Variants in KIAA0513 observed in about 807,000 individuals in gnomAD.
KIAA0513 encodes the protein uncharacterized protein KIAA0513.
In KIAA0513, 39 loss-of-function variants were observed where a neutral mutation model predicts 56.5. The ratio of observed to expected loss-of-function variants is 0.69; its 90% CI spans 0.53 to 0.90. The LOEUF is 0.90. KIAA0513 is among the 40% of genes least tolerant of loss of function. KIAA0513 has a pLI of 0.00. For missense variants in KIAA0513, 591 were observed against 535.2 expected, an observed-to-expected ratio of 1.10 and a Z score of -1.03; for synonymous variants, 268 against 215.6, an observed-to-expected ratio of 1.24 and a Z score of -2.13.
chr16:85,071,471 C>T (rs2073572685), intron 2 of KIAA0513, among the ~76,000 whole-genome samples: 1 of 152,210 alleles, frequency 6.6e-6, no homozygotes, highest in Admixed American at 6.5e-5. Context: ...AGGCTCAGAC[C>T]TCCCCAGGCA....
intron 4 of KIAA0513, among the ~76,000 whole-genome samples, chr16:85,075,271 AG>A (rs2144055643): frequency 6.6e-6 from 1 of 152,286 alleles, no homozygotes; most frequent in African/African-American, 2.4e-5. Context: ...TAATTGTCCA[AG>A]GTTAAAACCC....
chr16:85,081,926 T>C lies in KIAA0513; in HGVS notation c.980+534T>C, dbSNP rs1223510106. On this transcript the variant is annotated intron_variant, in intron 9 of 12. Coordinates refer to ENST00000683363, the MANE Select transcript of KIAA0513 (RefSeq NM_001388359.1). This position sits in a 1 kb window ranked among gnomAD's most constrained non-coding sequence, Gnocchi z 4.4. ...CTGGCACCCACCCCACGGGGGCCGA[T>C]GCCATAGCAAGCAAAGCTGCCGTCC... 6.6e-6 allele frequency among the ~76,000 whole-genome samples: 1 copy of C among 152,194 alleles called. No individual in the cohort carries two copies. The highest frequency in any genetic ancestry group is 1.9e-4 in the East Asian group (1 of 5,184).
chr16:85,050,633 C>T (rs575777050), intron 1 of KIAA0513, among the ~76,000 whole-genome samples: 4 of 152,280 alleles, frequency 2.6e-5, no homozygotes, highest in African/African-American at 9.6e-5. Flanking sequence ...TGATTTATAA[C>T]CATGGTGTTT....
chr16:85,083,848 G>T (rs8056810), intron 10 of KIAA0513, among the ~76,000 whole-genome samples: 15,792 of 152,174 alleles, frequency 0.1, 861 homozygotes, highest in South Asian at 0.14. Flanking sequence ...CTTCCAACAT[G>T]CCATCTCTTT....
intron 2 of KIAA0513, 78 bp from the exon 3 acceptor site, chr16:85,071,705 C>T: frequency 4.2e-6 from 5 of 1,197,518 alleles, no homozygotes; most frequent in Non-Finnish European, 5.9e-6. Context: ...GTTCCTTCTC[C>T]TTGCTCTTCC....
At position 85,078,969 on chromosome 16, in the gene KIAA0513, T is replaced by C; in HGVS notation, c.868T>C (p.Tyr290His). 1 of 1,614,126 alleles carries C rather than the reference T, an allele frequency of 6.2e-7. No individual in the cohort carries two copies. The highest frequency in any genetic ancestry group is 8.5e-7 in the Non-Finnish European group (1 of 1,180,024). The change falls in exon 8 of 13, where the codon TAC (tyrosine) becomes CAC (histidine). Residue 290 changes from tyrosine to histidine, a missense_variant. Coordinates refer to ENST00000683363, the MANE Select transcript of KIAA0513 (RefSeq NM_001388359.1). ...PEDEKKGEKI[Y>H]LYTHLKQQPI... ...GGACGAAAAGAAGGGGGAGAAGATC[T>C]ACCTGTACACGCACCTGAAGCAACA...
chr16:85,065,574 C>G (rs2073468398), intron 1 of KIAA0513, among the ~76,000 whole-genome samples: 2 of 152,208 alleles, frequency 1.3e-5, no homozygotes, highest in Admixed American at 6.5e-5. Context: ...AGGAATCCAT[C>G]ATCAATGGGT....
intron 1 of KIAA0513, among the ~76,000 whole-genome samples, chr16:85,038,929 C>T (rs569714500): frequency 6.6e-6 from 1 of 152,316 alleles, no homozygotes; most frequent in East Asian, 1.9e-4. Flanking sequence ...TGGCCAGCGG[C>T]TACCACAGTG....
At chr16:85,065,456 T>A (rs2073466337) in intron 1 of KIAA0513, among the ~76,000 whole-genome samples, 1 of 152,218 alleles carries the variant, frequency 6.6e-6, no homozygotes, top group Admixed American at 6.5e-5. Context: ...GGAGGCTTGC[T>A]TTGCGGGGCT....
intron 1 of KIAA0513, among the ~76,000 whole-genome samples, chr16:85,039,945 C>T (rs1350454623): frequency 6.6e-6 from 1 of 152,034 alleles, no homozygotes; most frequent in African/African-American, 2.4e-5. Flanking sequence ...AGCAATTCTC[C>T]TGCCTCGGCC....
intron 1 of KIAA0513, among the ~76,000 whole-genome samples, chr16:85,041,983 C>A (rs930861826): frequency 3.9e-5 from 6 of 152,178 alleles, no homozygotes; most frequent in Non-Finnish European, 5.9e-5. Context: ...GTCTGCCAAG[C>A]CCCTACCCAT....
intron 1 of KIAA0513, among the ~76,000 whole-genome samples, chr16:85,052,581 T>G (rs914401968): frequency 6.6e-6 from 1 of 152,224 alleles, no homozygotes; most frequent in Admixed American, 6.5e-5. Context: ...GGGCTTAAGG[T>G]TTCAGGATAG....
In KIAA0513 at chr16:85,066,993, C is replaced by A; in HGVS notation, c.-79C>A. 1 of 1,315,342 alleles carries A rather than the reference C, an allele frequency of 7.6e-7. No homozygotes were observed. Among genetic ancestry groups the A allele is most frequent in the South Asian group, 1.4e-5 (1 of 69,870 alleles). 81.5% of individuals were successfully genotyped at this position (1,315,342 alleles called of 1,614,324 possible). A position where few individuals can be genotyped will look rare whatever the true frequency, so the allele number is the denominator to read the frequency against. ...TGAGCTTGGTGGGCTCCTACTAACG[C>A]ACCTGGGACACCAGGCTGCTGGGCT... On this transcript the variant is annotated 5_prime_UTR_variant, in exon 2 of 13. Coordinates refer to ENST00000683363, the MANE Select transcript of KIAA0513 (RefSeq NM_001388359.1).
At chr16:85,083,480 C>T (rs1285243105) in intron 10 of KIAA0513, among the ~76,000 whole-genome samples, 1 of 152,184 alleles carries the variant, frequency 6.6e-6, no homozygotes, top group African/African-American at 2.4e-5. Context: ...ATGAACAAAG[C>T]CCCTAGGTTT....
intron 2 of KIAA0513, 105 bp downstream of exon 2, chr16:85,067,505 A>G (rs752552459): frequency 1.5e-4 from 136 of 892,162 alleles, no homozygotes; most frequent in Admixed American, 6.9e-4. Context: ...ACCTGGGACC[A>G]GAGCTTCCAT....
chr16:85,078,599 C>T, intron 7 of KIAA0513, 144 bp downstream of exon 7: 3 of 758,758 alleles, frequency 4.0e-6, no homozygotes, highest in Non-Finnish European at 6.4e-6. Flanking sequence ...TGCTTCCCAG[C>T]TCCCGTGGTT....
chr16:85,031,680 G>A (rs1463740437), intron 1 of KIAA0513, among the ~76,000 whole-genome samples: 2 of 152,092 alleles, frequency 1.3e-5, no homozygotes, highest in African/African-American at 2.4e-5. Flanking sequence ...TCTGCCTCAG[G>A]ACCTTTGCCT....
At chr16:85,078,570 C>A (rs1176372343) in intron 7 of KIAA0513, 115 bp downstream of exon 7, 1 of 990,878 alleles carries the variant, frequency 1.0e-6, no homozygotes, top group Non-Finnish European at 1.5e-6. Flanking sequence ...GGGCACCTTG[C>A]CCTGGGTGAT....
intron 1 of KIAA0513, among the ~76,000 whole-genome samples, chr16:85,051,485 A>G (rs1275225010): frequency 6.6e-6 from 1 of 152,164 alleles, no homozygotes; most frequent in African/African-American, 2.4e-5. Context: ...ACAAGCAGAC[A>G]TCCCCATTCC....
Sources: gnomAD v4.1 joint callset for allele counts (sites outside exome capture counted in the v4.1 genomes callset) on GRCh38, gnomAD v4.1.1 for gene constraint, Gnocchi (gnomAD v3.1) non-coding constraint, MANE v1.5 for transcripts, NCBI Gene and HGNC (gene_info 2026-07-23, HGNC 2026-07-21) for gene names.